The following SYT16 variants were observed in gnomAD, a reference collection of about 807,000 sequenced individuals.
SYT16 encodes the protein synaptotagmin-16.
SYT16 carries 42 observed loss-of-function variants against 61.4 expected under a neutral mutation model. The ratio of observed to expected loss-of-function variants is 0.68; its 90% CI spans 0.53 to 0.89. The LOEUF (loss-of-function observed/expected upper bound fraction) is 0.89. Ranked by LOEUF, SYT16 falls within the 40% of genes least tolerant of loss-of-function variation. The pLI, the probability that SYT16 is intolerant of heterozygous loss-of-function variation, is 0.00. For missense variants in SYT16, 804 were observed against 807.3 expected (o/e 1.00, Z 0.05); for synonymous variants, 314 against 302.3 (o/e 1.04, Z -0.40).
intron 1 of SYT16, among the ~76,000 whole-genome samples, chr14:61,880,005 A>C (rs923287681): frequency 2.0e-5 from 3 of 152,204 alleles, no homozygotes; most frequent in Non-Finnish European, 4.4e-5. Context: ...AAGGCAGGCC[A>C]CATGCCTATC....
At chr14:62,046,906 CT>C (rs1314296916) in intron 3 of SYT16, among the ~76,000 whole-genome samples, 1 of 152,144 alleles carries the variant, frequency 6.6e-6, no homozygotes, top group Non-Finnish European at 1.5e-5. Flanking sequence ...CAGCTTTGCT[CT>C]TTTGGCTTAG....
chr14:61,984,396 AG>A (rs1228856012), intron 2 of SYT16, among the ~76,000 whole-genome samples: 1 of 152,194 alleles, frequency 6.6e-6, no homozygotes, highest in African/African-American at 2.4e-5. Context: ...GACTGTGCTT[AG>A]AAATAGAAGC....
At chr14:61,993,070 T>C (rs567835368) in intron 2 of SYT16, among the ~76,000 whole-genome samples, 1 of 152,250 alleles carries the variant, frequency 6.6e-6, no homozygotes, top group East Asian at 1.9e-4. Context: ...CAAGGGGATA[T>C]GAGGCCAAGA....
At chr14:61,888,769 TAAAA>T (rs35694977) in intron 1 of SYT16, among the ~76,000 whole-genome samples, 6 of 104,300 alleles carry the variant, frequency 5.8e-5, no homozygotes, top group South Asian at 2.7e-4. Flanking sequence ...CTTCAATTTG[TAAAA>T]AAAAAAAAAA....
intron 7 of SYT16, among the ~76,000 whole-genome samples, chr14:62,096,952 A>G (rs2057293202): frequency 6.6e-6 from 1 of 152,144 alleles, no homozygotes; most frequent in Non-Finnish European, 1.5e-5. Context: ...GGAAAGTTAA[A>G]TGGCCAAATT....
At chr14:62,040,332 G>A (rs1254919) in intron 3 of SYT16, among the ~76,000 whole-genome samples, 73,585 of 152,004 alleles carry the variant, frequency 0.48, 18,152 homozygotes, top group Middle Eastern at 0.6. Flanking sequence ...AGATGCTAGA[G>A]GGTCAAAGTT....
chr14:62,027,516 TA>T (rs1419462922), intron 3 of SYT16, among the ~76,000 whole-genome samples: 1 of 152,216 alleles, frequency 6.6e-6, no homozygotes, highest in Non-Finnish European at 1.5e-5. Flanking sequence ...ATTGACTGTT[TA>T]AAAATGTTTA....
At chr14:62,062,487 A>C (rs536618324) in intron 3 of SYT16, among the ~76,000 whole-genome samples, 1 of 152,208 alleles carries the variant, frequency 6.6e-6, no homozygotes, top group African/African-American at 2.4e-5. Context: ...CTCCACGTCT[A>C]CGTTGGCATT....
intron 7 of SYT16, among the ~76,000 whole-genome samples, chr14:62,097,466 A>C (rs1358916228): frequency 6.6e-6 from 1 of 152,204 alleles, no homozygotes; most frequent in African/African-American, 2.4e-5. Context: ...ACTGGTGTTC[A>C]TCAGAGTAAG....
chr14:61,964,947 T>C lies in SYT16; in HGVS notation c.-324-5185T>C, dbSNP rs141638110. On this transcript the variant is annotated intron_variant, in intron 1 of 7. Coordinates refer to ENST00000683842, the MANE Select transcript of SYT16 (RefSeq NM_001367656.1). ...ATTTTTAATTAAGGTATGCACATGG[T>C]TTTTTAAAGATATCCTGCTATTGCA... Among the ~76,000 whole-genome samples the C allele has an allele frequency of 4.2e-3, 637 of 152,140 alleles. 4 individuals are homozygous for C. Among genetic ancestry groups the C allele is most frequent in the Non-Finnish European group, 7.0e-3 (473 of 67,966 alleles).
In SYT16 at chr14:62,107,997, G is replaced by T. The variant is rs965277224; in HGVS notation, c.*7290G>T. 1 of 152,188 alleles carries T rather than the reference G, an allele frequency of 6.6e-6. No homozygotes were observed. Among genetic ancestry groups the T allele is most frequent in the Non-Finnish European group, 1.5e-5 (1 of 68,028 alleles). The allele number at this position is 152,188 out of a possible 1,614,324, so 9.4% of individuals were successfully genotyped here. Reference sequence around the variant, plus strand: ...CATTGCTACCCTTTGCTTTTTGAAAGAGTGAACTGGTAACAGTAGCCGCCA... The same window carrying T: ...CATTGCTACCCTTTGCTTTTTGAAATAGTGAACTGGTAACAGTAGCCGCCA... On this transcript the variant is annotated 3_prime_UTR_variant, in exon 8 of 8. Transcript: ENST00000683842.
chr14:61,965,019 TG>T (rs903385640), intron 1 of SYT16, among the ~76,000 whole-genome samples: 1 of 152,122 alleles, frequency 6.6e-6, no homozygotes. Context: ...TTATATGCAC[TG>T]GGAAATAAAA....
At chr14:61,874,786 T>TTTTTTTTTGAG (rs2047434961) in intron 1 of SYT16, among the ~76,000 whole-genome samples, 1 of 149,470 alleles carries the variant, frequency 6.7e-6, no homozygotes, top group Non-Finnish European at 1.5e-5. Flanking sequence ...TTTTTTTTTT[T>TTTTTTTTTGAG]ACATGTTCTA....
chr14:61,971,091 T>C (rs2051534361), intron 2 of SYT16, among the ~76,000 whole-genome samples: 1 of 152,164 alleles, frequency 6.6e-6, no homozygotes, highest in Admixed American at 6.5e-5. Context: ...GTTCTTGATG[T>C]GTTCTAAGTA....
intron 1 of SYT16, among the ~76,000 whole-genome samples, chr14:61,904,259 C>T (rs535139605): frequency 6.6e-6 from 1 of 152,178 alleles, no homozygotes; most frequent in Admixed American, 6.5e-5. Flanking sequence ...CTGAGGAAGT[C>T]AAAATTTGCT....
intron 1 of SYT16, among the ~76,000 whole-genome samples, chr14:61,860,214 AAACAAC>A (rs376899867): frequency 2.6e-5 from 4 of 152,100 alleles, no homozygotes; most frequent in Non-Finnish European, 4.4e-5. Flanking sequence ...GCTTCTTTCC[AAACAAC>A]AACAACAACA....
At chr14:61,943,545 G>A (rs943321324) in intron 1 of SYT16, among the ~76,000 whole-genome samples, 1 of 152,070 alleles carries the variant, frequency 6.6e-6, no homozygotes, top group Non-Finnish European at 1.5e-5. Context: ...CGATCAAGTC[G>A]GCTTCATCCC....
At chr14:61,844,272 T>C (rs1242729243) in intron 1 of SYT16, among the ~76,000 whole-genome samples, 1 of 152,202 alleles carries the variant, frequency 6.6e-6, no homozygotes, top group East Asian at 1.9e-4. Context: ...TCAGTTCTAA[T>C]AGTTTTTTTT....
At chr14:62,022,463 TA>T (rs1566772784) in intron 3 of SYT16, among the ~76,000 whole-genome samples, 1 of 152,162 alleles carries the variant, frequency 6.6e-6, no homozygotes, top group Non-Finnish European at 1.5e-5. Flanking sequence ...TTTGTTTTCT[TA>T]AGCAGTTTTA....
Sources: allele counts gnomAD v4.1 joint callset (sites outside exome capture counted in the v4.1 genomes callset), GRCh38; gene constraint gnomAD v4.1.1; transcripts MANE v1.5; gene names NCBI Gene and HGNC (gene_info 2026-07-23, HGNC 2026-07-21).